The following TMEM168 variants were observed in gnomAD, a reference collection of about 807,000 sequenced individuals.
TMEM168 encodes the protein transmembrane protein 168.
Under a neutral mutation model 53.2 loss-of-function variants are expected in TMEM168, and 40 were observed. The observed-to-expected ratio is 0.75, with a 90% CI of 0.58 to 0.98. TMEM168 has a LOEUF of 0.98. TMEM168 is among the 50% of genes least tolerant of loss of function. The pLI is 0.00. For missense variants in TMEM168, 771 were observed against 828.8 expected, an observed-to-expected ratio of 0.93 and a Z score of 0.86; for synonymous variants, 282 against 293.0, an observed-to-expected ratio of 0.96 and a Z score of 0.38.
chr7:112,765,687 A>AAAT lies in TMEM168; in HGVS notation c.*1507_*1509dup, dbSNP rs1169731982. The AAAT allele has an allele frequency of 9.8e-5, 15 of 152,506 alleles. No individual in the cohort carries two copies. Among genetic ancestry groups the AAAT allele is most frequent in the African/African-American group, 2.9e-4 (12 of 41,454 alleles). The allele number at this position is 152,506 out of a possible 1,614,324, so 9.4% of individuals were successfully genotyped here. On this transcript the variant is annotated 3_prime_UTR_variant, in exon 5 of 5. Coordinates refer to ENST00000312814, the MANE Select transcript of TMEM168 (RefSeq NM_022484.6). ...ATTTTTAATGACTACCACTTTTAAT[A>AAAT]AATATACTAAAATATTCAATATTTG...
rs561142567 is a variant in TMEM168 at position 112,772,859 on chromosome 7, C to T, written c.1468G>A (p.Val490Met). The change falls in exon 4 of 5, where the codon GTG (valine) becomes ATG (methionine). Residue 490 changes from valine to methionine, a missense_variant. Coordinates refer to ENST00000312814, the MANE Select transcript of TMEM168 (RefSeq NM_022484.6). ...KLKAFLELRT[V>M]DGPRHDTYIL... Reference sequence around the variant, plus strand: ...TACGTATCATGTCTGGGTCCATCCACTGTCCGAAGTTCGAGGAAAGCTTTT... The same window carrying T: ...TACGTATCATGTCTGGGTCCATCCATTGTCCGAAGTTCGAGGAAAGCTTTT... 5.6e-6 allele frequency: 9 copies of T among 1,614,122 alleles called. No individual in the cohort carries two copies. The highest frequency in any genetic ancestry group is 4.0e-5 in the African/African-American group (3 of 75,066).
chr7:112,782,829 G>A (rs1793267287), intron 2 of TMEM168, among the ~76,000 whole-genome samples: 1 of 152,218 alleles, frequency 6.6e-6, no homozygotes, highest in African/African-American at 2.4e-5. Flanking sequence ...ACCAAGCAGA[G>A]CTGACTTTCC....
chr7:112,784,360 TG>T lies in TMEM168; in HGVS notation c.465del (p.Thr156GlnfsTer23). The T allele has an allele frequency of 6.2e-7, 1 of 1,614,142 alleles. No homozygotes were observed. Among genetic ancestry groups the T allele is most frequent in the South Asian group, 1.1e-5 (1 of 91,080 alleles). On this transcript the variant is annotated frameshift_variant, in exon 2 of 5. Transcript: ENST00000312814. LOFTEE classifies it high-confidence loss of function. ...CCAACAAGCTCCAGAAATTCAACTG[TG>T]GTTAGTAAAGTGGGCCGATGACGGA... Reference protein sequence around the residue: ...GYVRHRPTLLTTVEFLELVGF... With the variant: ...GYVRHRPTLLXTVEFLELVGF...
chr7:112,770,739 T>A (rs1792910862), intron 4 of TMEM168, among the ~76,000 whole-genome samples: 1 of 152,182 alleles, frequency 6.6e-6, no homozygotes, highest in Admixed American at 6.5e-5. Flanking sequence ...GAATTTTAAA[T>A]TACTTAAGAA....
At chr7:112,785,862 T>G (rs984289552) in intron 1 of TMEM168, among the ~76,000 whole-genome samples, 2 of 152,210 alleles carry the variant, frequency 1.3e-5, no homozygotes, top group African/African-American at 4.8e-5. Context: ...TCAAAAGAAC[T>G]GATCAATGGT....
At chr7:112,778,732 G>T (rs1793154915) in intron 2 of TMEM168, 1 of 152,130 alleles carries the variant, frequency 6.6e-6, no homozygotes, top group Non-Finnish European at 1.5e-5. Context: ...AATTGATAGT[G>T]ATGTTATTCA....
rs1019147084 is a variant in TMEM168 at position 112,765,568 on chromosome 7, A to C, written c.*1629T>G. On this transcript the variant is annotated 3_prime_UTR_variant, in exon 5 of 5. Transcript: ENST00000312814. Reference sequence around the variant, plus strand: ...CTACTACCCTACTGCTGAACAGAGCAATAAAAAAAACTATACTATTTTATT... The same window carrying C: ...CTACTACCCTACTGCTGAACAGAGCCATAAAAAAAACTATACTATTTTATT... 1 of 152,170 alleles carries C rather than the reference A, an allele frequency of 6.6e-6. No homozygotes were observed. Among genetic ancestry groups the C allele is most frequent in the African/African-American group, 2.4e-5 (1 of 41,458 alleles). The allele number at this position is 152,170 out of a possible 1,614,324, so 9.4% of individuals were successfully genotyped here.
intron 1 of TMEM168, 23 bp from the exon 2 acceptor site, chr7:112,784,976 T>C: frequency 3.6e-6 from 2 of 553,356 alleles, no homozygotes; most frequent in Non-Finnish European, 5.6e-6. Flanking sequence ...AAACAATATT[T>C]CAGAGTTAAT....
intron 2 of TMEM168, among the ~76,000 whole-genome samples, chr7:112,778,070 G>A (rs1319265378): frequency 1.3e-5 from 2 of 152,080 alleles, no homozygotes; most frequent in Non-Finnish European, 2.9e-5. Context: ...GACATTACGA[G>A]TCTACATATC....
In TMEM168 at chr7:112,774,888, A is replaced by T. The variant is rs555643599; in HGVS notation, c.1271+288T>A. ...GAGCCACCACGACCAGCCAGAGGACACTTTCTTAACAAAATATTCCCTTTA... is the reference window on the plus strand; with the variant it reads ...GAGCCACCACGACCAGCCAGAGGACTCTTTCTTAACAAAATATTCCCTTTA... On this transcript the variant is annotated intron_variant, in intron 3 of 4. Transcript: ENST00000312814. Among the ~76,000 whole-genome samples the T allele has an allele frequency of 2.0e-5, 3 of 152,228 alleles. No individual in the cohort carries two copies. The East Asian group carries it at 5.8e-4, about 29-fold the overall frequency.
rs1792759255 is a variant in TMEM168 at position 112,765,725 on chromosome 7, TA to T, written c.*1471del. The T allele has an allele frequency of 6.6e-6, 1 of 152,024 alleles. No individual in the cohort carries two copies. Among genetic ancestry groups the T allele is most frequent in the Non-Finnish European group, 1.5e-5 (1 of 67,990 alleles). The allele number at this position is 152,024 out of a possible 1,614,324, so 9.4% of individuals were successfully genotyped here. A position where few individuals can be genotyped will look rare whatever the true frequency, so the allele number is the denominator to read the frequency against. On this transcript the variant is annotated 3_prime_UTR_variant, in exon 5 of 5. Transcript: ENST00000312814. The stretch of plus-strand genomic sequence containing the variant: ...TATTCAATATTTGCACATCATTAAA[TA>T]AAAAATTAATTTTTAACAAAATTTT...
chr7:112,768,560 T>C (rs1335185617), intron 4 of TMEM168, among the ~76,000 whole-genome samples: 1 of 152,190 alleles, frequency 6.6e-6, no homozygotes, highest in Non-Finnish European at 1.5e-5. Flanking sequence ...ACCCAGAAAG[T>C]TCTAAAGTAA....
At chr7:112,776,735 CA>C (rs1250362221) in intron 2 of TMEM168, among the ~76,000 whole-genome samples, 1 of 150,696 alleles carries the variant, frequency 6.6e-6, no homozygotes, top group East Asian at 1.9e-4. Context: ...GTATTTTTCA[CA>C]AATACATATT....
intron 4 of TMEM168, among the ~76,000 whole-genome samples, chr7:112,772,072 A>G (rs1792943336): frequency 6.6e-6 from 1 of 152,134 alleles, no homozygotes; most frequent in South Asian, 2.1e-4. Context: ...AAGACTGACA[A>G]ATTTATATAT....
chr7:112,769,945 A>G (rs1219996188), intron 4 of TMEM168, among the ~76,000 whole-genome samples: 2 of 152,198 alleles, frequency 1.3e-5, no homozygotes, highest in Admixed American at 1.3e-4. Context: ...TCTCTTTCCC[A>G]CAGCGATATT....
Position 112,772,895 on chromosome 7 carries a change from G to T in TMEM168, c.1432C>A (p.His478Asn), listed in dbSNP as rs1431882445. The change falls in exon 4 of 5, where the codon CAT becomes AAT. Residue 478 changes from histidine to asparagine, a missense_variant. Physicochemically the swap from His to Asn is moderately conservative, Grantham distance 68. Coordinates refer to ENST00000312814, the MANE Select transcript of TMEM168 (RefSeq NM_022484.6). ...STSGLSFDTL[H>N]SKLKAFLELR... Reference sequence around the variant, plus strand: ...TCGAGGAAAGCTTTTAGTTTGGAATGCAGAGTATCAAATGACAGTCCACTT... The same window carrying T: ...TCGAGGAAAGCTTTTAGTTTGGAATTCAGAGTATCAAATGACAGTCCACTT... The T allele has an allele frequency of 6.2e-7, 1 of 1,614,086 alleles. No homozygotes were observed. Among genetic ancestry groups the T allele is most frequent in the East Asian group, 2.2e-5 (1 of 44,856 alleles).
chr7:112,773,338 G>A (rs1303936146), intron 3 of TMEM168, among the ~76,000 whole-genome samples: 3 of 151,686 alleles, frequency 2.0e-5, no homozygotes, highest in Non-Finnish European at 2.9e-5. Flanking sequence ...TTCCTTATTC[G>A]TATTTTCTTA....
chr7:112,782,718 C>G (rs1316860881), intron 2 of TMEM168, among the ~76,000 whole-genome samples: 1 of 152,188 alleles, frequency 6.6e-6, no homozygotes, highest in African/African-American at 2.4e-5. Context: ...CTAGAAATCA[C>G]TCAGCAGCAA....
At chr7:112,786,594 TTGAG>T (rs1793386244) in intron 1 of TMEM168, among the ~76,000 whole-genome samples, 1 of 150,806 alleles carries the variant, frequency 6.6e-6, no homozygotes, top group African/African-American at 2.5e-5. Flanking sequence ...CTGGAATGCA[TTGAG>T]TTTTTTTTTT....
Sources: gnomAD v4.1 joint callset for allele counts (sites outside exome capture counted in the v4.1 genomes callset) on GRCh38, gnomAD v4.1.1 for gene constraint, MANE v1.5 for transcripts, NCBI Gene and HGNC (gene_info 2026-07-23, HGNC 2026-07-21) for gene names.